GULP1: variants seen among roughly 807,000 people sequenced by gnomAD.
The protein encoded by GULP1 is GULP PTB domain containing engulfment adaptor 1, also known as PTB domain-containing engulfment adapter protein 1.
A neutral mutation model predicts 40.9 loss-of-function variants in GULP1; 19 were observed. That is an observed-to-expected ratio of 0.46 (90% CI 0.32 to 0.68). The LOEUF (loss-of-function observed/expected upper bound fraction) is 0.68, where lower values mean the gene tolerates loss of function less well. Ranked by LOEUF, GULP1 falls within the 30% of genes least tolerant of loss-of-function variation. The pLI is 0.03. For synonymous variants in GULP1, 119 were observed against 117.6 expected (o/e 1.01, Z -0.08); for missense variants, 312 against 362.2 (o/e 0.86, Z 1.12).
chr2:188,421,660 A>G (rs1009286162), intron 2 of GULP1, among the ~76,000 whole-genome samples: 1 of 152,174 alleles, frequency 6.6e-6, no homozygotes, highest in Non-Finnish European at 1.5e-5. Flanking sequence ...ACATGCATAT[A>G]TGAAGAATTT....
chr2:188,441,811 G>T (rs1463341313), intron 2 of GULP1, among the ~76,000 whole-genome samples: 1 of 152,130 alleles, frequency 6.6e-6, no homozygotes, highest in Non-Finnish European at 1.5e-5. Flanking sequence ...TGCTAGAATT[G>T]ATTTTCCTTT....
At chr2:188,434,454 T>A (rs1266148159) in intron 2 of GULP1, among the ~76,000 whole-genome samples, 1 of 151,760 alleles carries the variant, frequency 6.6e-6, no homozygotes, top group Non-Finnish European at 1.5e-5. Flanking sequence ...ATTTAAAGTA[T>A]TTTTTTAATT....
intron 2 of GULP1, among the ~76,000 whole-genome samples, chr2:188,466,135 C>T (rs190991403): frequency 6.6e-6 from 1 of 152,166 alleles, no homozygotes; most frequent in East Asian, 1.9e-4. Flanking sequence ...CCAGTTATCT[C>T]CATGTTCTGC....
intron 7 of GULP1, among the ~76,000 whole-genome samples, chr2:188,552,895 G>A (rs1489921910): frequency 6.7e-6 from 1 of 149,798 alleles, no homozygotes; most frequent in Non-Finnish European, 1.5e-5. Context: ...ATACATATAT[G>A]TGTTTATCTC....
intron 2 of GULP1, among the ~76,000 whole-genome samples, chr2:188,463,745 A>G (rs2059899568): frequency 6.6e-6 from 1 of 151,888 alleles, no homozygotes; most frequent in Non-Finnish European, 1.5e-5. Context: ...CCTGTCTTCA[A>G]GCCCACTAAT....
chr2:188,298,982 A>G (rs955897138), intron 1 of GULP1, among the ~76,000 whole-genome samples: 1 of 152,190 alleles, frequency 6.6e-6, no homozygotes, highest in African/African-American at 2.4e-5. Flanking sequence ...GGATCTTACT[A>G]TTAATGCAGC....
intron 2 of GULP1, among the ~76,000 whole-genome samples, chr2:188,410,739 A>C (rs1312517417): frequency 1.3e-5 from 2 of 152,160 alleles, no homozygotes; most frequent in African/African-American, 4.8e-5. Flanking sequence ...CTCTGGAACT[A>C]AGACCTCTAG....
chr2:188,439,003 G>T (rs1369740577), intron 2 of GULP1, among the ~76,000 whole-genome samples: 2 of 151,954 alleles, frequency 1.3e-5, no homozygotes, highest in Non-Finnish European at 2.9e-5. Flanking sequence ...TCTATGAATT[G>T]TTTGTTAAAT....
intron 4 of GULP1, among the ~76,000 whole-genome samples, chr2:188,521,873 G>A (rs1575760206): frequency 6.6e-6 from 1 of 152,090 alleles, no homozygotes; most frequent in Non-Finnish European, 1.5e-5. Flanking sequence ...TCAGGAGATC[G>A]AGACCATCCT....
At chr2:188,472,591 T>C (rs1384948068) in intron 2 of GULP1, among the ~76,000 whole-genome samples, 5 of 152,196 alleles carry the variant, frequency 3.3e-5, no homozygotes, top group Non-Finnish European at 7.3e-5. Flanking sequence ...CTTTACCATG[T>C]CCATTGCATT....
chr2:188,340,622 C>T (rs1425912675), intron 1 of GULP1, among the ~76,000 whole-genome samples: 1 of 152,158 alleles, frequency 6.6e-6, no homozygotes, highest in Non-Finnish European at 1.5e-5. Flanking sequence ...TCAGTAGGCC[C>T]TCTGTCTTTT....
At chr2:188,412,330 A>G (rs370318517) in intron 2 of GULP1, among the ~76,000 whole-genome samples, 1 of 152,122 alleles carries the variant, frequency 6.6e-6, no homozygotes, top group South Asian at 2.1e-4. Flanking sequence ...AATTTAATGC[A>G]CGCCTACCCT....
chr2:188,318,959 C>T (rs2039549362), intron 1 of GULP1, among the ~76,000 whole-genome samples: 1 of 152,098 alleles, frequency 6.6e-6, no homozygotes, highest in Admixed American at 6.6e-5. Context: ...AAGCTAAGCC[C>T]CAGTTTGGGG....
At chr2:188,573,746 A>G (rs1234503149) in intron 9 of GULP1, among the ~76,000 whole-genome samples, 1 of 152,218 alleles carries the variant, frequency 6.6e-6, no homozygotes, top group Non-Finnish European at 1.5e-5. Flanking sequence ...TGATCTACAC[A>G]TTCATTAAAG....
chr2:188,384,967 T>C (rs1454421085), intron 2 of GULP1, among the ~76,000 whole-genome samples: 1 of 152,148 alleles, frequency 6.6e-6, no homozygotes, highest in African/African-American at 2.4e-5. Flanking sequence ...TGGGCTGACA[T>C]TGAGTGTCTG....
chr2:188,501,432 A>G (rs1207776971), intron 4 of GULP1, among the ~76,000 whole-genome samples: 1 of 151,948 alleles, frequency 6.6e-6, no homozygotes, highest in Non-Finnish European at 1.5e-5. Flanking sequence ...TTTTCTTTAT[A>G]AATTACTCAG....
chr2:188,580,930 T>C (rs1197972402), intron 9 of GULP1, among the ~76,000 whole-genome samples: 2 of 152,218 alleles, frequency 1.3e-5, no homozygotes, highest in Non-Finnish European at 2.9e-5. Flanking sequence ...GCCAGAATCT[T>C]ATGTGCGATC....
At chr2:188,361,552 A>G (rs770448193) in intron 1 of GULP1, among the ~76,000 whole-genome samples, 4 of 152,066 alleles carry the variant, frequency 2.6e-5, no homozygotes, top group Non-Finnish European at 5.9e-5. Flanking sequence ...GATCATTGTG[A>G]CTTTAACATC....
chr2:188,547,047 T>C (rs1692149626), intron 7 of GULP1, among the ~76,000 whole-genome samples: 1 of 152,052 alleles, frequency 6.6e-6, no homozygotes, highest in Non-Finnish European at 1.5e-5. Context: ...AAATTAAATT[T>C]ATAAATTAAA....
Sources: gnomAD v4.1 joint callset for allele counts (sites outside exome capture counted in the v4.1 genomes callset) on GRCh38, gnomAD v4.1.1 for gene constraint, MANE v1.5 for transcripts, NCBI Gene and HGNC (gene_info 2026-07-23, HGNC 2026-07-21) for gene names.